Variants in MICAL2 observed in about 807,000 individuals in gnomAD.
MICAL2 encodes microtubule associated monooxygenase, calponin and LIM domain containing 2, also known as [F-actin]-monooxygenase MICAL2.
Under a neutral mutation model 127.3 loss-of-function variants are expected in MICAL2, and 77 were observed. That is an observed-to-expected ratio of 0.60 (90% confidence interval 0.50 to 0.73). The LOEUF is 0.73. Ranked by LOEUF, MICAL2 falls within the 30% of genes least tolerant of loss-of-function variation. MICAL2 has a pLI of 0.00. For missense variants in MICAL2, 1,351 were observed against 1,434.4 expected, an observed-to-expected ratio of 0.94 and a Z score of 0.94; for synonymous variants, 570 against 551.1, an observed-to-expected ratio of 1.03 and a Z score of -0.48.
At chr11:12,189,876 T>A (rs61875232) in intron 3 of MICAL2, among the ~76,000 whole-genome samples, 6,087 of 152,268 alleles carry the variant, frequency 0.04, 538 homozygotes, top group East Asian at 0.35. Flanking sequence ...TTCCAGAAAT[T>A]TGCCCTTAAA....
At chr11:12,180,125 G>C (rs1041588681) in intron 3 of MICAL2, among the ~76,000 whole-genome samples, 1 of 152,080 alleles carries the variant, frequency 6.6e-6, no homozygotes, top group Non-Finnish European at 1.5e-5. Flanking sequence ...AGGGCCACTA[G>C]AGGCCTTGGG....
intron 20 of MICAL2, 54 bp from the exon 21 acceptor site, chr11:12,243,933 A>T (rs372901233): frequency 6.2e-7 from 1 of 1,601,456 alleles, no homozygotes; most frequent in Admixed American, 1.7e-5. Flanking sequence ...GGCATGTATC[A>T]CCATGTGTGA....
chr11:12,278,004 A>T (rs1488684827), intron 1 of MICAL2, among the ~76,000 whole-genome samples: 1 of 152,208 alleles, frequency 6.6e-6, no homozygotes, highest in Non-Finnish European at 1.5e-5. Context: ...AATACAGTAG[A>T]AAATATAAAA....
At chr11:12,293,864 G>GAGCTATCTC, downstream of MICAL2, 1 of 1,609,528 alleles carries the variant, frequency 6.2e-7, no homozygotes, top group Non-Finnish European at 8.5e-7. Flanking sequence ...GACAGGGCAA[G>GAGCTATCTC]AGCTATCTCC....
intron 22 of MICAL2, chr11:12,254,784 A>G (rs1452879804): frequency 6.6e-6 from 1 of 151,860 alleles, no homozygotes; most frequent in Non-Finnish European, 1.5e-5. Flanking sequence ...AAGGCCTTGC[A>G]CCCCACGGTG....
chr11:12,176,567 A>T (rs1259308115), intron 3 of MICAL2, among the ~76,000 whole-genome samples: 1 of 152,216 alleles, frequency 6.6e-6, no homozygotes, highest in Non-Finnish European at 1.5e-5. Context: ...AGCCATCACC[A>T]ACATTCATCC....
chr11:12,311,513 G>C (rs1399832741), intron 29 of MICAL2, among the ~76,000 whole-genome samples: 1 of 152,192 alleles, frequency 6.6e-6, no homozygotes, highest in Non-Finnish European at 1.5e-5. Flanking sequence ...TGGGGTTGAA[G>C]AGATTCTCCT....
intron 29 of MICAL2, among the ~76,000 whole-genome samples, chr11:12,313,571 G>A (rs932806459): frequency 2.0e-5 from 3 of 152,026 alleles, no homozygotes; most frequent in African/African-American, 7.3e-5. Context: ...TGTTTCTTAT[G>A]TACTTCAAAT....
chr11:12,262,799 GC>G, intron 27 of MICAL2: 1 of 422,352 alleles, frequency 2.4e-6, no homozygotes, highest in East Asian at 4.0e-5. Flanking sequence ...CCTTGGGTCT[GC>G]CTGCGTGCAT....
At chr11:12,231,624 G>A (rs1259158476) in intron 15 of MICAL2, among the ~76,000 whole-genome samples, 3 of 152,188 alleles carry the variant, frequency 2.0e-5, no homozygotes, top group African/African-American at 7.2e-5. Flanking sequence ...AGGACCCTGC[G>A]TAGGCAGCTT....
intron 29 of MICAL2, among the ~76,000 whole-genome samples, chr11:12,305,832 A>ATT (rs1242105131): frequency 6.6e-6 from 1 of 152,260 alleles, no homozygotes; most frequent in Non-Finnish European, 1.5e-5. Context: ...ACCTTGTACA[A>ATT]TTTTCATTAG....
At chr11:12,244,286 G>C (rs544972377) in intron 21 of MICAL2, among the ~76,000 whole-genome samples, 174 bp downstream of exon 21, 1 of 152,296 alleles carries the variant, frequency 6.6e-6, no homozygotes, top group African/African-American at 2.4e-5. Flanking sequence ...CACACAACAC[G>C]GCAGAACAGG....
chr11:12,190,272 C>T (rs1200609911), intron 3 of MICAL2, among the ~76,000 whole-genome samples: 1 of 152,154 alleles, frequency 6.6e-6, no homozygotes, highest in African/African-American at 2.4e-5. Flanking sequence ...TGCAAACACC[C>T]TGGGATTTGT....
intron 21 of MICAL2, 96 bp downstream of exon 21, chr11:12,244,208 TG>T: frequency 6.6e-7 from 1 of 1,518,906 alleles, no homozygotes; most frequent in Non-Finnish European, 9.1e-7. Context: ...GAGCCTGGCT[TG>T]GCTGGAATAA....
intron 25 of MICAL2, 143 bp downstream of exon 25, chr11:12,258,699 G>T: frequency 1.4e-6 from 1 of 716,480 alleles, no homozygotes; most frequent in Non-Finnish European, 2.3e-6. Context: ...CTGCTTCCTG[G>T]TGTGGAGGGT....
intron 15 of MICAL2, among the ~76,000 whole-genome samples, chr11:12,227,508 A>G (rs143010881): frequency 5.8e-4 from 88 of 152,350 alleles, no homozygotes; most frequent in African/African-American, 2.0e-3. Context: ...GCAGAAGTGC[A>G]TGGTGATGAT....
chr11:12,124,005 C>T (rs921533892), intron 1 of MICAL2, among the ~76,000 whole-genome samples: 3 of 152,224 alleles, frequency 2.0e-5, no homozygotes, highest in Non-Finnish European at 4.4e-5. Context: ...AGCAGCATCA[C>T]ATCACAGACG....
Position 12,208,075 on chromosome 11 carries a change from T to C in MICAL2, c.525T>C (p.Val175=). The C allele has an allele frequency of 6.2e-7, 1 of 1,614,204 alleles. No individual in the cohort carries two copies. Among genetic ancestry groups the C allele is most frequent in the Non-Finnish European group, 8.5e-7 (1 of 1,180,020 alleles). ...ILFKVALMLG[V]EIHVNVEFVK... is the part of the protein sequence containing the mutation. ...TCAAGGTGGCCCTGATGCTGGGAGT[T>C]GAAATCCATGTGAATGTGGAGTTCG... Residue 175 remains valine, a synonymous_variant, in exon 5 of 28, where the codon GTT becomes GTC. Coordinates refer to ENST00000683283, the MANE Select transcript of MICAL2 (RefSeq NM_001282663.2).
intron 32 of MICAL2, among the ~76,000 whole-genome samples, chr11:12,330,625 C>T (rs764948352): frequency 1.3e-5 from 2 of 151,990 alleles, no homozygotes; most frequent in African/African-American, 4.8e-5. Flanking sequence ...TCCTCATTGT[C>T]GTGACAACAA....
Sources: gnomAD v4.1 joint callset for allele counts (sites outside exome capture counted in the v4.1 genomes callset) on GRCh38, gnomAD v4.1.1 for gene constraint, MANE v1.5 for transcripts, NCBI Gene and HGNC (gene_info 2026-07-23, HGNC 2026-07-21) for gene names.